Variants in NOL4L observed in about 807,000 individuals in gnomAD.
NOL4L encodes nucleolar protein 4 like.
In NOL4L, 7 loss-of-function variants were observed where a neutral mutation model predicts 64.5. The observed-to-expected ratio is 0.11, with a 90% confidence interval of 0.06 to 0.20. NOL4L has a LOEUF of 0.20. NOL4L is among the 10% of genes least tolerant of loss of function. NOL4L has a pLI of 1.00. For missense variants in NOL4L, 680 were observed against 967.1 expected, an observed-to-expected ratio of 0.70 and a Z score of 3.94; for synonymous variants, 413 against 401.0, an observed-to-expected ratio of 1.03 and a Z score of -0.36.
At chr20:32,512,863 A>G (rs1307656235) in intron 3 of NOL4L, among the ~76,000 whole-genome samples, 1 of 152,240 alleles carries the variant, frequency 6.6e-6, no homozygotes, top group Non-Finnish European at 1.5e-5. Context: ...ATTATAAACA[A>G]CACTGCAGGG....
At position 32,464,855 on chromosome 20, in the gene NOL4L, T is replaced by A. The variant is rs1411321834; in HGVS notation, c.842-8460A>T. The A allele has an allele frequency of 2.4e-6, 1 of 417,876 alleles. No homozygotes were observed. Among genetic ancestry groups the A allele is most frequent in the Non-Finnish European group, 4.4e-6 (1 of 229,488 alleles). The allele number at this position is 417,876 out of a possible 1,614,324, so 25.9% of individuals were successfully genotyped here. A position where few individuals can be genotyped will look rare whatever the true frequency, so the allele number is the denominator to read the frequency against. On this transcript the variant is annotated intron_variant, in intron 5 of 10. Coordinates refer to ENST00000621426, the MANE Select transcript of NOL4L (RefSeq NM_001256798.2). This position sits in a 1 kb window ranked among gnomAD's most constrained non-coding sequence, Gnocchi z 5.6. ...ATTTCAACAAATAATTGATACCGTG[T>A]TATCAGAGCTGAGATATTTCACCTT... is the stretch of plus-strand genomic sequence containing the variant.
At chr20:32,505,700 A>G (rs902721747) in intron 4 of NOL4L, among the ~76,000 whole-genome samples, 17 of 152,210 alleles carry the variant, frequency 1.1e-4, no homozygotes, top group African/African-American at 3.1e-4. Context: ...TGGGTGACAG[A>G]GTGAGACCCT....
intron 1 of NOL4L, among the ~76,000 whole-genome samples, chr20:32,542,146 C>T (rs1442860706): frequency 6.6e-6 from 1 of 152,194 alleles, no homozygotes; most frequent in Non-Finnish European, 1.5e-5. Context: ...ACTGGCTTAC[C>T]TGTGTCCTTA....
chr20:32,514,657 C>T (rs2017571201), intron 3 of NOL4L, among the ~76,000 whole-genome samples: 1 of 151,994 alleles, frequency 6.6e-6, no homozygotes, highest in African/African-American at 2.4e-5. Context: ...CACCGTCAAC[C>T]TAGATTTGAC....
At chr20:32,456,455 C>T (rs1238559580) in intron 5 of NOL4L, 60 bp from the exon 6 acceptor site, 1 of 1,397,384 alleles carries the variant, frequency 7.2e-7, no homozygotes, top group Non-Finnish European at 9.4e-7. Context: ...CTGCAGCCAC[C>T]TCGGAGTATC....
chr20:32,568,048 GTCACCATCA>G (rs937221401), intron 1 of NOL4L, among the ~76,000 whole-genome samples: 20 of 150,678 alleles, frequency 1.3e-4, no homozygotes, highest in East Asian at 5.8e-4. Flanking sequence ...CAACATTATC[GTCACCATCA>G]TCACCATCAT....
chr20:32,584,165 A>G (rs1182384255), intron 1 of NOL4L, among the ~76,000 whole-genome samples: 8 of 127,812 alleles, frequency 6.3e-5, no homozygotes, highest in Non-Finnish European at 1.2e-4. Flanking sequence ...ACACACACAC[A>G]CACACCGCCC....
intron 1 of NOL4L, among the ~76,000 whole-genome samples, chr20:32,575,189 C>T (rs2145623389): frequency 6.6e-6 from 1 of 152,232 alleles, no homozygotes; most frequent in African/African-American, 2.4e-5. Context: ...GTGCCTGATG[C>T]GATGGGCTCT....
chr20:32,565,610 A>T (rs1979381030), intron 1 of NOL4L, among the ~76,000 whole-genome samples: 1 of 152,036 alleles, frequency 6.6e-6, no homozygotes, highest in Non-Finnish European at 1.5e-5. Context: ...CATCCTCTCC[A>T]GGCCTCAACT....
intron 4 of NOL4L, among the ~76,000 whole-genome samples, chr20:32,492,636 G>A (rs993398910): frequency 3.9e-5 from 6 of 152,224 alleles, no homozygotes; most frequent in African/African-American, 1.4e-4. Context: ...AAGCAGCCTG[G>A]AGCTCGCTGT....
intron 4 of NOL4L, among the ~76,000 whole-genome samples, chr20:32,493,289 C>T (rs2016540660): frequency 6.6e-6 from 1 of 152,152 alleles, no homozygotes; most frequent in Non-Finnish European, 1.5e-5. Context: ...AAGAGGCAGG[C>T]AGCACCTTCT....
intron 2 of NOL4L, among the ~76,000 whole-genome samples, chr20:32,521,427 C>G (rs535051295): frequency 2.0e-5 from 3 of 152,260 alleles, no homozygotes; most frequent in Admixed American, 2.0e-4. Context: ...GGGCTAGTAC[C>G]AGGCATCAGA....
intron 2 of NOL4L, among the ~76,000 whole-genome samples, chr20:32,526,061 A>AT (rs58923296): frequency 3.5e-4 from 52 of 148,556 alleles, no homozygotes; most frequent in South Asian, 3.4e-3. Flanking sequence ...CCTGGCCCCA[A>AT]TTTTTTTTTT....
At position 32,456,125 on chromosome 20, in the gene NOL4L, G is replaced by T. The variant is rs2013479314; in HGVS notation, c.1112C>A (p.Thr371Asn). The change falls in exon 6 of 11, where the codon ACC becomes AAC. Residue 371 changes from threonine (T) to asparagine (N), a missense_variant. By Grantham distance (65) the Thr-to-Asn change is moderately conservative (BLOSUM62 0). Around this residue, in one of 4 missense-constraint regions of NOL4L, gnomAD observed 254 missense variants for 238.7 expected, o/e 1.06. Coordinates refer to ENST00000621426, the MANE Select transcript of NOL4L (RefSeq NM_001256798.2). ...RSRVKYGVKT[T>N]PESPPYSSGS... Reference sequence around the variant, plus strand: ...GCCCCCAGCCCCACACACCTCGGGGGTGGTCTTCACCCCGTATTTGACGCG... The same window carrying T: ...GCCCCCAGCCCCACACACCTCGGGGTTGGTCTTCACCCCGTATTTGACGCG... 1 of 1,530,932 alleles carries T rather than the reference G, an allele frequency of 6.5e-7. No homozygotes were observed. Among genetic ancestry groups the T allele is most frequent in the Non-Finnish European group, 8.8e-7 (1 of 1,136,092 alleles). 94.8% of individuals were successfully genotyped at this position (1,530,932 alleles called of 1,614,324 possible). A position where few individuals can be genotyped will look rare whatever the true frequency, so the allele number is the denominator to read the frequency against.
intron 3 of NOL4L, among the ~76,000 whole-genome samples, chr20:32,518,883 G>T (rs921822446): frequency 6.6e-5 from 10 of 152,246 alleles, no homozygotes; most frequent in East Asian, 3.8e-4. Context: ...GGCAGCCCAC[G>T]TGGGTGGCAG....
At chr20:32,546,432 T>TCTC (rs2018734827) in intron 1 of NOL4L, among the ~76,000 whole-genome samples, 1 of 152,116 alleles carries the variant, frequency 6.6e-6, no homozygotes, top group Non-Finnish European at 1.5e-5. Context: ...AGACAGGGTT[T>TCTC]CTCCATGTTT....
At position 32,460,006 on chromosome 20, in the gene NOL4L, A is replaced by G. The variant is rs2013900443; in HGVS notation, c.842-3611T>C. On this transcript the variant is annotated intron_variant, in intron 5 of 10. Coordinates refer to ENST00000621426, the MANE Select transcript of NOL4L (RefSeq NM_001256798.2). This position sits in a 1 kb window ranked among gnomAD's most constrained non-coding sequence, Gnocchi z 5.7. ...ACAGGCCAGACGGACAAGGATACTC[A>G]GTGATTCCACTTCTACGCAGCATCT... Among the ~76,000 whole-genome samples the G allele has an allele frequency of 6.6e-6, 1 of 152,224 alleles. No homozygotes were observed.
At chr20:32,571,447 T>C (rs754469710) in intron 1 of NOL4L, among the ~76,000 whole-genome samples, 2 of 152,202 alleles carry the variant, frequency 1.3e-5, no homozygotes, top group African/African-American at 2.4e-5. Context: ...CCTCAAGTGA[T>C]CCACTCACCT....
intron 1 of NOL4L, among the ~76,000 whole-genome samples, chr20:32,528,211 G>T (rs974140253): frequency 6.6e-6 from 1 of 152,230 alleles, no homozygotes; most frequent in African/African-American, 2.4e-5. Context: ...GACTCGGGCG[G>T]GGAGCTCTTG....
Sources: allele counts gnomAD v4.1 joint callset (sites outside exome capture counted in the v4.1 genomes callset), GRCh38; gene constraint gnomAD v4.1.1; regional missense constraint gnomAD v4.1.1; non-coding constraint Gnocchi (gnomAD v3.1); transcripts MANE v1.5; gene names NCBI Gene and HGNC (gene_info 2026-07-23, HGNC 2026-07-21).